Variants in AGBL4 observed in about 807,000 individuals in gnomAD.
The protein encoded by AGBL4 is AGBL carboxypeptidase 4, also known as cytosolic carboxypeptidase 6.
Under a neutral mutation model 66.4 loss-of-function variants are expected in AGBL4, and 58 were observed. That is an observed-to-expected ratio of 0.87 (90% CI 0.71 to 1.09). The LOEUF is 1.09. AGBL4 is among the 50% of genes least tolerant of loss of function. AGBL4 has a pLI of 0.00. For synonymous variants in AGBL4, 234 were observed against 222.9 expected, an observed-to-expected ratio of 1.05 and a Z score of -0.44; for missense variants, 579 against 631.0, an observed-to-expected ratio of 0.92 and a Z score of 0.88.
At position 49,875,029 on chromosome 1, in the gene AGBL4, T is replaced by C. The variant is rs367583587; in HGVS notation, c.35-23511A>G. ...TGTGATGTTCCCCTTCCTGTGTCCA[T>C]GTATTCTCATTGTTCAATTTCCACC... is the stretch of plus-strand genomic sequence containing the variant. On this transcript the variant is annotated intron_variant, in intron 1 of 13. Transcript: ENST00000371839. 3.6e-4 allele frequency among the ~76,000 whole-genome samples: 50 copies of C among 139,992 alleles called. 1 individual carries two copies. The East Asian group carries it at 1.0e-2, about 28-fold the overall frequency. The allele number at this position is 139,992 out of a possible 152,430, so 91.8% of individuals were successfully genotyped here. A position where few individuals can be genotyped will look rare whatever the true frequency, so the allele number is the denominator to read the frequency against.
intron 1 of AGBL4, among the ~76,000 whole-genome samples, chr1:49,903,539 A>G (rs1053281013): frequency 2.6e-5 from 4 of 152,122 alleles, no homozygotes; most frequent in African/African-American, 9.7e-5. Context: ...AATTGTATGA[A>G]CTTCAGAAAG....
chr1:49,736,002 A>G (rs1163041060), intron 2 of AGBL4, among the ~76,000 whole-genome samples: 2 of 152,146 alleles, frequency 1.3e-5, no homozygotes, highest in African/African-American at 2.4e-5. Flanking sequence ...AACAGAGAAA[A>G]AAAATGAAAA....
At position 49,328,114 on chromosome 1, in the gene AGBL4, G is replaced by A. The variant is rs182453663; in HGVS notation, c.283-82250C>T. Reference sequence around the variant, plus strand: ...GAACTGGAGAGAGAAATAAGCCCACGTGTAATCACCTGGGAATCTGCAGTC... The same window carrying A: ...GAACTGGAGAGAGAAATAAGCCCACATGTAATCACCTGGGAATCTGCAGTC... On this transcript the variant is annotated intron_variant, in intron 3 of 13. Coordinates refer to ENST00000371839, the MANE Select transcript of AGBL4 (RefSeq NM_032785.4). Among the ~76,000 whole-genome samples the A allele has an allele frequency of 9.2e-5, 14 of 152,248 alleles. No individual in the cohort carries two copies. The East Asian group carries it at 1.9e-3, about 21-fold the overall frequency.
chr1:50,023,693 TC>T, intron 1 of AGBL4, 69 bp downstream of exon 1: 8 of 1,498,174 alleles, frequency 5.3e-6, no homozygotes, highest in Non-Finnish European at 6.3e-6. Context: ...CATGCCCGAG[TC>T]CCCTGTTGCC....
chr1:49,082,916 G>A (rs1003883328), intron 4 of AGBL4, among the ~76,000 whole-genome samples: 1 of 152,176 alleles, frequency 6.6e-6, no homozygotes, highest in Admixed American at 6.5e-5. Flanking sequence ...CATTTTAAAT[G>A]GGAGAAATTG....
At position 49,516,202 on chromosome 1, in the gene AGBL4, G is replaced by C. The variant is rs557797982; in HGVS notation, c.282+181111C>G. On this transcript the variant is annotated intron_variant, in intron 3 of 13. Coordinates refer to ENST00000371839, the MANE Select transcript of AGBL4 (RefSeq NM_032785.4). ...ATATGACAGTGTCCTTATCTCCAAGGATCTCACAATATAATAGGGAACACA... is the reference window on the plus strand; with the variant it reads ...ATATGACAGTGTCCTTATCTCCAAGCATCTCACAATATAATAGGGAACACA... Among the ~76,000 whole-genome samples, 11 of 151,928 alleles carry C rather than the reference G, an allele frequency of 7.2e-5. No individual in the cohort carries two copies. In the East Asian group the frequency reaches 2.1e-3, roughly 29 times the overall value.
chr1:49,504,667 C>T lies in AGBL4; in HGVS notation c.282+192646G>A, dbSNP rs146630184. Among the ~76,000 whole-genome samples the T allele has an allele frequency of 1.9e-4, 29 of 152,122 alleles. No individual in the cohort carries two copies. The East Asian group carries it at 3.1e-3, about 16-fold the overall frequency. On this transcript the variant is annotated intron_variant, in intron 3 of 13. Transcript: ENST00000371839. ...GATTAAAAATACAGCTACCCTTACTCTCTTTTGGTTTCCATTTGCATGGCA... is the reference window on the plus strand; with the variant it reads ...GATTAAAAATACAGCTACCCTTACTTTCTTTTGGTTTCCATTTGCATGGCA...
chr1:49,936,195 A>C (rs1448397272), intron 1 of AGBL4, among the ~76,000 whole-genome samples: 2 of 152,234 alleles, frequency 1.3e-5, no homozygotes, highest in African/African-American at 4.8e-5. Context: ...AGAATGCAGA[A>C]GCCTCAGGAG....
intron 3 of AGBL4, among the ~76,000 whole-genome samples, chr1:49,391,159 C>T (rs1644837592): frequency 6.6e-6 from 1 of 152,072 alleles, no homozygotes. Context: ...ACAGTTGTAG[C>T]ATACAATCAG....
Position 49,614,257 on chromosome 1 carries a change from T to C in AGBL4, c.282+83056A>G, listed in dbSNP as rs149933975. 3.0e-4 allele frequency among the ~76,000 whole-genome samples: 46 copies of C among 152,294 alleles called. 1 individual carries two copies. In the East Asian group the frequency reaches 6.8e-3, roughly 22 times the overall value. On this transcript the variant is annotated intron_variant, in intron 3 of 13. Coordinates refer to ENST00000371839, the MANE Select transcript of AGBL4 (RefSeq NM_032785.4). ...TAACCACTATCCTGAATTTTAATAC[T>C]ATAGACTAGTTTTGTTGTTTCTAAC...
At chr1:49,749,132 T>C (rs1324470953) in intron 2 of AGBL4, among the ~76,000 whole-genome samples, 1 of 152,238 alleles carries the variant, frequency 6.6e-6, no homozygotes, top group Non-Finnish European at 1.5e-5. Context: ...AGGGTTTTTA[T>C]GGTTTTAGGT....
chr1:48,853,397 T>C (rs1186114581), intron 6 of AGBL4, among the ~76,000 whole-genome samples: 1 of 152,240 alleles, frequency 6.6e-6, no homozygotes, highest in African/African-American at 2.4e-5. Flanking sequence ...CATCTATTGA[T>C]GTTTGAAACT....
chr1:49,225,345 T>A (rs1308937682), intron 4 of AGBL4, among the ~76,000 whole-genome samples: 1 of 152,216 alleles, frequency 6.6e-6, no homozygotes, highest in African/African-American at 2.4e-5. Context: ...CTCTTGCATA[T>A]CTTAGAATGC....
intron 4 of AGBL4, among the ~76,000 whole-genome samples, chr1:49,220,354 G>T (rs1413689046): frequency 6.6e-6 from 1 of 152,114 alleles, no homozygotes; most frequent in Non-Finnish European, 1.5e-5. Flanking sequence ...TCATCATGAA[G>T]ACTTGCTTTG....
intron 1 of AGBL4, among the ~76,000 whole-genome samples, chr1:49,989,138 T>A (rs968108042): frequency 2.6e-5 from 4 of 152,138 alleles, no homozygotes; most frequent in African/African-American, 9.7e-5. Flanking sequence ...CTAGTGTAAA[T>A]ATACTACAGC....
At position 49,922,813 on chromosome 1, in the gene AGBL4, A is replaced by G. The variant is rs540799365; in HGVS notation, c.35-71295T>C. On this transcript the variant is annotated intron_variant, in intron 1 of 13. Coordinates refer to ENST00000371839, the MANE Select transcript of AGBL4 (RefSeq NM_032785.4). ...AAACCACTGCTCAAAGAAATTAGAGATGACACACACAAATGGAAAAGCATT... is the reference window on the plus strand; with the variant it reads ...AAACCACTGCTCAAAGAAATTAGAGGTGACACACACAAATGGAAAAGCATT... Among the ~76,000 whole-genome samples, 150 of 152,344 alleles carry G rather than the reference A, an allele frequency of 9.8e-4. 1 individual carries two copies. Among genetic ancestry groups the G allele is most frequent in the Admixed American group, 3.4e-3 (52 of 15,302 alleles).
chr1:49,567,985 T>C (rs1187431477), intron 3 of AGBL4, among the ~76,000 whole-genome samples: 1 of 152,110 alleles, frequency 6.6e-6, no homozygotes, highest in African/African-American at 2.4e-5. Context: ...AAGAGCCATA[T>C]ATAAAAAACC....
rs770892740 is a variant in AGBL4, at chr1:48,764,809, A to T, written c.635-101568T>A. ...AAATCAGCTCAGTAAATGTTCCTTG[A>T]AAACAATAGAGCCCCGTGCAGACAA... On this transcript the variant is annotated intron_variant, in intron 6 of 13. Transcript: ENST00000371839. Among the ~76,000 whole-genome samples, 29 of 152,206 alleles carry T rather than the reference A, an allele frequency of 1.9e-4. 1 individual carries two copies. Among genetic ancestry groups the T allele is most frequent in the Admixed American group, 1.3e-4 (2 of 15,286 alleles).
chr1:49,982,151 A>G (rs138463786), intron 1 of AGBL4, among the ~76,000 whole-genome samples: 1 of 152,346 alleles, frequency 6.6e-6, no homozygotes, highest in East Asian at 1.9e-4. Context: ...GATGTGTTCA[A>G]AATTAAGTAG....
Sources: gnomAD v4.1 joint callset for allele counts (sites outside exome capture counted in the v4.1 genomes callset) on GRCh38, gnomAD v4.1.1 for gene constraint, MANE v1.5 for transcripts, NCBI Gene and HGNC (gene_info 2026-07-23, HGNC 2026-07-21) for gene names.